The following NPFFR2 variants were observed in gnomAD, a reference collection of about 807,000 sequenced individuals.
NPFFR2 encodes the protein G-protein coupled receptor 74.
NPFFR2 carries 15 observed loss-of-function variants against 13.1 expected under a neutral mutation model. The ratio of observed to expected loss-of-function variants is 1.15; its 90% CI spans 0.77 to 1.76. NPFFR2 has a LOEUF of 1.76. Among genes scored for constraint, NPFFR2 ranks in the 40% most tolerant of loss-of-function variants. The pLI is 0.00. For missense variants in NPFFR2, 572 were observed against 503.5 expected (o/e 1.14, Z -1.30); for synonymous variants, 190 against 175.7 (o/e 1.08, Z -0.65).
intron 1 of NPFFR2, among the ~76,000 whole-genome samples, chr4:72,097,549 A>C (rs528097443): frequency 6.6e-6 from 1 of 152,248 alleles, no homozygotes; most frequent in South Asian, 2.1e-4. Context: ...TAAAAGCTTC[A>C]CTGTAGTCTT....
chr4:72,095,833 T>C (rs1471604163), intron 1 of NPFFR2, among the ~76,000 whole-genome samples: 1 of 152,174 alleles, frequency 6.6e-6, no homozygotes, highest in Non-Finnish European at 1.5e-5. Flanking sequence ...TTCACGGGGC[T>C]TAGCTCATTC....
intron 1 of NPFFR2, among the ~76,000 whole-genome samples, chr4:72,039,810 A>T (rs2109754160): frequency 6.6e-6 from 1 of 152,300 alleles, no homozygotes; most frequent in Middle Eastern, 3.4e-3. Context: ...ATGTTGCCTT[A>T]TTGCTTTCTA....
At position 72,147,838 on chromosome 4, in the gene NPFFR2, T is replaced by A; in HGVS notation, c.*26T>A. 6.9e-7 allele frequency: 1 copy of A among 1,443,836 alleles called. No homozygotes were observed. The highest frequency in any genetic ancestry group is 9.3e-7 in the Non-Finnish European group (1 of 1,070,194). 89.4% of individuals were successfully genotyped at this position (1,443,836 alleles called of 1,614,324 possible). A position where few individuals can be genotyped will look rare whatever the true frequency, so the allele number is the denominator to read the frequency against. ...AAAGAGCTAGTGTGATAATCCTAACTCTACTACGCATTATATATTTAAATC... is the reference window on the plus strand; with the variant it reads ...AAAGAGCTAGTGTGATAATCCTAACACTACTACGCATTATATATTTAAATC... On this transcript the variant is annotated 3_prime_UTR_variant, in exon 4 of 4. Coordinates refer to ENST00000308744, the MANE Select transcript of NPFFR2 (RefSeq NM_004885.3).
chr4:72,048,511 T>A (rs998266248), intron 1 of NPFFR2, among the ~76,000 whole-genome samples: 6 of 152,252 alleles, frequency 3.9e-5, no homozygotes, highest in African/African-American at 1.4e-4. Context: ...TGTAAAATTG[T>A]AGATCTCCTG....
intron 1 of NPFFR2, among the ~76,000 whole-genome samples, chr4:72,059,936 C>T (rs561039100): frequency 3.9e-5 from 6 of 152,092 alleles, no homozygotes; most frequent in Admixed American, 1.3e-4. Flanking sequence ...GGTTATTTTT[C>T]CCCCCAGATA....
At position 72,091,720 on chromosome 4, in the gene NPFFR2, G is replaced by A. The variant is rs111794941; in HGVS notation, c.-7-36865G>A. Among the ~76,000 whole-genome samples, 451 of 151,950 alleles carry A rather than the reference G, an allele frequency of 3.0e-3. 3 individuals are homozygous for A. Among genetic ancestry groups the A allele is most frequent in the African/African-American group, 9.9e-3 (410 of 41,518 alleles). On this transcript the variant is annotated intron_variant, in intron 1 of 3. Coordinates refer to ENST00000308744, the MANE Select transcript of NPFFR2 (RefSeq NM_004885.3). ...TTAATTGAGTTTATTTGGACTTTCT[G>A]TCTTCTTTTCTTGGTTAGTCTCACT...
At chr4:72,128,561 C>T in intron 1 of NPFFR2, 24 bp from the exon 2 acceptor site, 1 of 1,455,300 alleles carries the variant, frequency 6.9e-7, no homozygotes. Context: ...TTATGTTTTT[C>T]TTTTCTGTCT....
chr4:72,136,859 A>G (rs1255806311), intron 2 of NPFFR2, among the ~76,000 whole-genome samples: 1 of 152,174 alleles, frequency 6.6e-6, no homozygotes, highest in Non-Finnish European at 1.5e-5. Flanking sequence ...ATTTCCACCA[A>G]TCATGTTGTT....
intron 1 of NPFFR2, among the ~76,000 whole-genome samples, chr4:72,045,300 C>T (rs550355543): frequency 6.6e-6 from 1 of 152,298 alleles, no homozygotes; most frequent in East Asian, 1.9e-4. Flanking sequence ...GAAATCTCCA[C>T]ATTGTTTTCC....
intron 1 of NPFFR2, among the ~76,000 whole-genome samples, chr4:72,086,445 G>T (rs1407883477): frequency 6.6e-6 from 1 of 152,024 alleles, no homozygotes; most frequent in African/African-American, 2.4e-5. Context: ...CACCTATAGT[G>T]CTCTATTTAG....
chr4:72,041,143 C>T (rs547142290), intron 1 of NPFFR2, among the ~76,000 whole-genome samples: 1 of 152,090 alleles, frequency 6.6e-6, no homozygotes, highest in Admixed American at 6.6e-5. Context: ...ACCCTTAATC[C>T]CTTCCTCCCT....
chr4:72,115,709 C>T (rs1170626905), intron 1 of NPFFR2, among the ~76,000 whole-genome samples: 1 of 152,146 alleles, frequency 6.6e-6, no homozygotes, highest in Non-Finnish European at 1.5e-5. Flanking sequence ...GAATTTCCTG[C>T]AGTCTTGTTT....
At chr4:72,100,032 T>A (rs1327768555) in intron 1 of NPFFR2, among the ~76,000 whole-genome samples, 2 of 152,166 alleles carry the variant, frequency 1.3e-5, no homozygotes, top group African/African-American at 2.4e-5. Flanking sequence ...TATAGCTTCA[T>A]ATTTGATATA....
At chr4:72,134,156 T>G (rs1722337641) in intron 2 of NPFFR2, among the ~76,000 whole-genome samples, 3 of 151,994 alleles carry the variant, frequency 2.0e-5, no homozygotes, top group African/African-American at 7.2e-5. Flanking sequence ...TTCCAGCCAC[T>G]CAGGAAGCTG....
chr4:72,055,253 G>A (rs1263603507), intron 1 of NPFFR2, among the ~76,000 whole-genome samples: 1 of 151,872 alleles, frequency 6.6e-6, no homozygotes, highest in East Asian at 1.9e-4. Flanking sequence ...TGTTCCCCAA[G>A]CGCATAGGCT....
chr4:72,048,172 G>A (rs1719431870), intron 1 of NPFFR2, among the ~76,000 whole-genome samples: 1 of 151,924 alleles, frequency 6.6e-6, no homozygotes, highest in African/African-American at 2.4e-5. Context: ...CACTTTATTG[G>A]CAGCAAGATT....
chr4:72,080,499 A>C (rs4420946), intron 1 of NPFFR2, among the ~76,000 whole-genome samples: 146,412 of 152,226 alleles, frequency 0.96, 70,673 homozygotes, highest in East Asian at 1. Flanking sequence ...AACAAACATT[A>C]TTTATCTTAT....
intron 1 of NPFFR2, among the ~76,000 whole-genome samples, chr4:72,087,553 T>C (rs973342086): frequency 2.3e-4 from 9 of 39,644 alleles, no homozygotes; most frequent in African/African-American, 4.0e-4. Context: ...GATGGTCTTG[T>C]GTAGGTAATC....
At chr4:72,114,176 G>A (rs1721646757) in intron 1 of NPFFR2, among the ~76,000 whole-genome samples, 1 of 151,986 alleles carries the variant, frequency 6.6e-6, no homozygotes, top group Non-Finnish European at 1.5e-5. Flanking sequence ...AAAAAAGTGT[G>A]CATAAATATA....
Sources: gnomAD v4.1 joint callset for allele counts (sites outside exome capture counted in the v4.1 genomes callset) on GRCh38, gnomAD v4.1.1 for gene constraint, MANE v1.5 for transcripts, NCBI Gene and HGNC (gene_info 2026-07-23, HGNC 2026-07-21) for gene names.